Variants in TAFA1 observed in about 807,000 individuals in gnomAD.
The protein encoded by TAFA1 is chemokine-like protein TAFA-1.
TAFA1 carries 4 observed loss-of-function variants against 18.5 expected under a neutral mutation model. The observed-to-expected ratio is 0.22, with a 90% CI of 0.11 to 0.49. The LOEUF (loss-of-function observed/expected upper bound fraction) is 0.49. Among genes scored for constraint, TAFA1 ranks in the 20% least tolerant of loss-of-function variants. The pLI is 0.98. For synonymous variants in TAFA1, 56 were observed against 55.2 expected (o/e 1.01, Z -0.06); for missense variants, 147 against 169.0 (o/e 0.87, Z 0.72).
chr3:68,390,152 G>A (rs1438184946), intron 2 of TAFA1, among the ~76,000 whole-genome samples: 1 of 152,142 alleles, frequency 6.6e-6, no homozygotes, highest in Non-Finnish European at 1.5e-5. Context: ...AACCTGGGAT[G>A]CTCAAGCTTG....
At chr3:68,232,999 C>G (rs1347477040) in intron 2 of TAFA1, among the ~76,000 whole-genome samples, 1 of 152,182 alleles carries the variant, frequency 6.6e-6, no homozygotes, top group Non-Finnish European at 1.5e-5. Flanking sequence ...CTTTTCTCTG[C>G]ATCCTTGCCA....
intron 2 of TAFA1, among the ~76,000 whole-genome samples, chr3:68,128,533 A>AT (rs1386092100): frequency 2.0e-5 from 3 of 152,234 alleles, no homozygotes; most frequent in African/African-American, 7.2e-5. Context: ...ATAAGGTGTG[A>AT]TTTTAAATCA....
At chr3:68,206,069 T>C (rs1356946934) in intron 2 of TAFA1, among the ~76,000 whole-genome samples, 1 of 151,906 alleles carries the variant, frequency 6.6e-6, no homozygotes, top group Non-Finnish European at 1.5e-5. Context: ...TTTATTCTTT[T>C]TTTGTGTGCT....
intron 3 of TAFA1, among the ~76,000 whole-genome samples, chr3:68,492,052 C>T (rs1339270788): frequency 6.6e-6 from 1 of 152,180 alleles, no homozygotes; most frequent in African/African-American, 2.4e-5. Flanking sequence ...TACGTACAAG[C>T]AGTTCTGTAC....
chr3:68,369,335 T>C (rs947834811), intron 2 of TAFA1, among the ~76,000 whole-genome samples: 2 of 152,202 alleles, frequency 1.3e-5, no homozygotes, highest in African/African-American at 2.4e-5. Context: ...ATAGTTGATA[T>C]GAAGAAAAAG....
intron 2 of TAFA1, among the ~76,000 whole-genome samples, chr3:68,379,915 C>T (rs957758177): frequency 6.6e-6 from 1 of 151,948 alleles, no homozygotes; most frequent in African/African-American, 2.4e-5. Flanking sequence ...ATCCCTTCCC[C>T]TTCCCCCCAC....
At chr3:68,065,752 AT>A (rs1227115744) in intron 2 of TAFA1, among the ~76,000 whole-genome samples, 4 of 147,008 alleles carry the variant, frequency 2.7e-5, no homozygotes, top group African/African-American at 1.0e-4. Context: ...ATATATATAT[AT>A]ATATATATAT....
intron 2 of TAFA1, among the ~76,000 whole-genome samples, chr3:68,035,737 A>T (rs745836362): frequency 1.3e-5 from 2 of 152,200 alleles, no homozygotes; most frequent in Non-Finnish European, 2.9e-5. Context: ...GTGAATATTG[A>T]TAGAAGCGCT....
rs144315991 is a variant in TAFA1 at position 68,372,100 on chromosome 3, A to G, written c.119-45180A>G. ...AAGTATTTGATAAAAGTGCCTCCTT[A>G]TTTCTCCCACTTTTATCCAAACTTT... On this transcript the variant is annotated intron_variant, in intron 2 of 4. Transcript: ENST00000478136. Among the ~76,000 whole-genome samples, 265 of 152,256 alleles carry G rather than the reference A, an allele frequency of 1.7e-3. 6 individuals carry two copies. The East Asian group carries it at 0.045, about 26-fold the overall frequency.
chr3:68,507,355 T>C (rs1314685880), intron 3 of TAFA1, among the ~76,000 whole-genome samples: 1 of 151,924 alleles, frequency 6.6e-6, no homozygotes, highest in African/African-American at 2.4e-5. Flanking sequence ...AGACAAAAAA[T>C]TTAAAAGGTT....
intron 3 of TAFA1, among the ~76,000 whole-genome samples, chr3:68,422,451 C>G (rs2070973520): frequency 6.6e-6 from 1 of 152,086 alleles, no homozygotes; most frequent in Admixed American, 6.6e-5. Flanking sequence ...GTTCCAATTG[C>G]TCTTATTTGC....
At chr3:68,053,105 C>G (rs2064491821) in intron 2 of TAFA1, among the ~76,000 whole-genome samples, 1 of 152,150 alleles carries the variant, frequency 6.6e-6, no homozygotes, top group African/African-American at 2.4e-5. Flanking sequence ...TAAACTTCAT[C>G]CAGCATTCTA....
chr3:68,370,096 G>A (rs1457091821), intron 2 of TAFA1, among the ~76,000 whole-genome samples: 1 of 150,460 alleles, frequency 6.6e-6, no homozygotes, highest in African/African-American at 2.4e-5. Context: ...AGACCATCCT[G>A]GCTAACACGG....
At chr3:68,175,589 C>G (rs1212458279) in intron 2 of TAFA1, among the ~76,000 whole-genome samples, 1 of 152,180 alleles carries the variant, frequency 6.6e-6, no homozygotes, top group Non-Finnish European at 1.5e-5. Flanking sequence ...TTCGGCCAAT[C>G]TCTCCCGTTT....
intron 2 of TAFA1, among the ~76,000 whole-genome samples, chr3:68,186,458 A>G (rs1028451175): frequency 2.6e-5 from 4 of 152,106 alleles, no homozygotes; most frequent in Non-Finnish European, 4.4e-5. Flanking sequence ...ATAATAGATC[A>G]TTGAATGAAA....
At chr3:68,338,014 G>C (rs1192212260) in intron 2 of TAFA1, among the ~76,000 whole-genome samples, 1 of 152,222 alleles carries the variant, frequency 6.6e-6, no homozygotes, top group Non-Finnish European at 1.5e-5. Context: ...CAAGTGCAAA[G>C]CTTAAGGTTC....
intron 3 of TAFA1, among the ~76,000 whole-genome samples, chr3:68,470,288 T>G (rs1224578835): frequency 6.6e-6 from 1 of 152,194 alleles, no homozygotes; most frequent in Non-Finnish European, 1.5e-5. Flanking sequence ...TTACCCAGTC[T>G]TAGCTATCTC....
chr3:68,359,141 CT>C (rs1391027118), intron 2 of TAFA1, among the ~76,000 whole-genome samples: 1 of 151,934 alleles, frequency 6.6e-6, no homozygotes, highest in African/African-American at 2.4e-5. Context: ...GAGAAATTTC[CT>C]TTTTTATTGT....
At chr3:68,270,435 A>G (rs2067642986) in intron 2 of TAFA1, among the ~76,000 whole-genome samples, 1 of 152,200 alleles carries the variant, frequency 6.6e-6, no homozygotes, top group Non-Finnish European at 1.5e-5. Context: ...GTTAGAAAAT[A>G]TTTGGTTTTA....
Sources: gnomAD v4.1 joint callset for allele counts (sites outside exome capture counted in the v4.1 genomes callset) on GRCh38, gnomAD v4.1.1 for gene constraint, MANE v1.5 for transcripts, NCBI Gene and HGNC (gene_info 2026-07-23, HGNC 2026-07-21) for gene names.